The following SV2C variants were observed in gnomAD, a reference collection of about 807,000 sequenced individuals.
The protein encoded by SV2C is synaptic vesicle glycoprotein 2C.
In SV2C, 49 loss-of-function variants were observed where a neutral mutation model predicts 79.7. The observed-to-expected ratio is 0.61, with a 90% confidence interval of 0.49 to 0.78. SV2C has a LOEUF of 0.78. SV2C is among the 30% of genes least tolerant of loss of function. The pLI is 0.00. For synonymous variants in SV2C, 334 were observed against 333.2 expected (o/e 1.00, Z -0.03); for missense variants, 833 against 912.9 (o/e 0.91, Z 1.13).
the SV2C span, among the ~76,000 whole-genome samples, chr5:76,059,568 C>T: frequency 6.6e-6 from 1 of 151,770 alleles, no homozygotes; most frequent in East Asian, 1.9e-4. Flanking sequence ...GCAATTCAGT[C>T]ACATCTTCAG....
chr5:75,903,381 A>ATTTTT, the SV2C span, among the ~76,000 whole-genome samples: 2 of 142,706 alleles, frequency 1.4e-5, no homozygotes, highest in East Asian at 2.1e-4. Context: ...TTTTTTTTAA[A>ATTTTT]AAAAAAAGAA....
intron 4 of SV2C, among the ~76,000 whole-genome samples, chr5:76,251,840 T>C (rs954872989): frequency 1.3e-5 from 2 of 152,192 alleles, no homozygotes; most frequent in Non-Finnish European, 2.9e-5. Flanking sequence ...CTTATGTACA[T>C]GACCACTTAA....
chr5:75,943,848 A>G, the SV2C span, among the ~76,000 whole-genome samples: 1 of 152,134 alleles, frequency 6.6e-6, no homozygotes, highest in African/African-American at 2.4e-5. Context: ...CCTGATGTGT[A>G]TCCTCACCCT....
chr5:76,346,192 T>C (rs536398758), intron 12 of SV2C, among the ~76,000 whole-genome samples: 5 of 152,148 alleles, frequency 3.3e-5, no homozygotes, highest in Non-Finnish European at 5.9e-5. Flanking sequence ...ACAGATACAA[T>C]AGGTGTAAAT....
chr5:76,323,704 C>A (rs1404492125), intron 12 of SV2C, among the ~76,000 whole-genome samples: 1 of 152,122 alleles, frequency 6.6e-6, no homozygotes, highest in Non-Finnish European at 1.5e-5. Context: ...TACTATGCAG[C>A]CATAAAAAAG....
At chr5:76,312,637 C>T (rs535484035) in intron 12 of SV2C, among the ~76,000 whole-genome samples, 7 of 152,318 alleles carry the variant, frequency 4.6e-5, no homozygotes, top group African/African-American at 1.2e-4. Flanking sequence ...CTCTCAGGGC[C>T]GTCCTGCAAC....
At chr5:76,022,410 T>C in the SV2C span, among the ~76,000 whole-genome samples, 3 of 152,190 alleles carry the variant, frequency 2.0e-5, no homozygotes, top group African/African-American at 7.2e-5. Context: ...TGCATTAGCA[T>C]TGAGGAGTGT....
chr5:75,972,482 A>C, the SV2C span, among the ~76,000 whole-genome samples: 3 of 152,128 alleles, frequency 2.0e-5, no homozygotes, highest in Non-Finnish European at 4.4e-5. Flanking sequence ...AATTTACAAG[A>C]AAAAAACAAA....
chr5:75,996,914 A>G, the SV2C span, among the ~76,000 whole-genome samples: 30 of 131,592 alleles, frequency 2.3e-4, 1 homozygote, highest in East Asian at 2.2e-3. Flanking sequence ...TAGATATACA[A>G]TCATGTCATC....
intron 3 of SV2C, among the ~76,000 whole-genome samples, chr5:76,204,051 G>A (rs922384062): frequency 2.0e-5 from 3 of 152,158 alleles, no homozygotes; most frequent in Non-Finnish European, 4.4e-5. Flanking sequence ...AGTGTTAGGT[G>A]TGTGCTCTTT....
chr5:76,290,997 T>C (rs922096160), intron 6 of SV2C, among the ~76,000 whole-genome samples: 1 of 152,198 alleles, frequency 6.6e-6, no homozygotes, highest in Non-Finnish European at 1.5e-5. Flanking sequence ...CCTTCCCCCA[T>C]TTCTTTGTGG....
At chr5:76,055,508 A>G in the SV2C span, among the ~76,000 whole-genome samples, 208 of 152,292 alleles carry the variant, frequency 1.4e-3, 1 homozygote, top group African/African-American at 4.6e-3. Context: ...TATAAAATTT[A>G]AAGTAGATTT....
At chr5:76,192,018 G>C (rs1170288783) in intron 2 of SV2C, among the ~76,000 whole-genome samples, 1 of 152,118 alleles carries the variant, frequency 6.6e-6, no homozygotes, top group Non-Finnish European at 1.5e-5. Flanking sequence ...TTGCCCTTTT[G>C]AGAGCTCCAG....
chr5:76,084,728 T>A lies in SV2C; in HGVS notation c.-102+1216T>A. Among the ~76,000 whole-genome samples the A allele has an allele frequency of 1.3e-5, 2 of 151,744 alleles. 1 individual carries two copies. Among genetic ancestry groups the A allele is most frequent in the East Asian group, 3.9e-4 (2 of 5,130 alleles). On this transcript the variant is annotated intron_variant, in intron 1 of 12. Coordinates refer to ENST00000502798, the MANE Select transcript of SV2C (RefSeq NM_014979.4). ...GCGGGCGGGGGCAGGCGACGGAGTC[T>A]CCGTCTGGGAGCGCGCGTGTGTGCG...
chr5:75,914,948 G>A, the SV2C span, among the ~76,000 whole-genome samples: 1 of 152,198 alleles, frequency 6.6e-6, no homozygotes, highest in Non-Finnish European at 1.5e-5. Flanking sequence ...GGCAGAAGGT[G>A]AAAGGCACAT....
At chr5:75,976,384 C>T in the SV2C span, among the ~76,000 whole-genome samples, 2 of 152,076 alleles carry the variant, frequency 1.3e-5, no homozygotes, top group African/African-American at 4.8e-5. Context: ...TTGTTTCAGG[C>T]CTTAGAGCTG....
chr5:75,971,864 C>T, the SV2C span, among the ~76,000 whole-genome samples: 908 of 152,110 alleles, frequency 6.0e-3, 18 homozygotes, highest in African/African-American at 0.021. Flanking sequence ...GCCCACATTG[C>T]CAAGTCAATC....
chr5:76,054,073 GC>G, the SV2C span, among the ~76,000 whole-genome samples: 15 of 152,128 alleles, frequency 9.9e-5, no homozygotes, highest in African/African-American at 3.6e-4. Context: ...GTTTGCTGCA[GC>G]CGTCAACCCG....
At chr5:75,942,298 T>C in the SV2C span, among the ~76,000 whole-genome samples, 1 of 152,248 alleles carries the variant, frequency 6.6e-6, no homozygotes, top group East Asian at 1.9e-4. Context: ...CCCTGAGTTC[T>C]ATAAGCTCCT....
Sources: gnomAD v4.1 joint callset for allele counts (sites outside exome capture counted in the v4.1 genomes callset) on GRCh38, gnomAD v4.1.1 for gene constraint, MANE v1.5 for transcripts, NCBI Gene and HGNC (gene_info 2026-07-23, HGNC 2026-07-21) for gene names.